Variants in TENM4 observed in about 807,000 individuals in gnomAD.
TENM4 encodes teneurin transmembrane protein 4.
Under a neutral mutation model 243.3 loss-of-function variants are expected in TENM4, and 82 were observed. That is an observed-to-expected ratio of 0.34 (90% CI 0.28 to 0.40). The LOEUF is 0.40. Among genes scored for constraint, TENM4 ranks in the 10% least tolerant of loss-of-function variants. The pLI, the probability that TENM4 is intolerant of heterozygous loss-of-function variation, is 1.00. For synonymous variants in TENM4, 1,412 were observed against 1,456.3 expected, an observed-to-expected ratio of 0.97 and a Z score of 0.69; for missense variants, 3,138 against 3,673.3, an observed-to-expected ratio of 0.85 and a Z score of 3.77.
intron 6 of TENM4, among the ~76,000 whole-genome samples, chr11:79,005,551 T>C (rs1030048388): frequency 1.3e-5 from 2 of 152,118 alleles, no homozygotes; most frequent in Non-Finnish European, 2.9e-5. Context: ...AAATTCAACA[T>C]TGCTTCATGT....
chr11:79,038,087 G>A (rs775211547), intron 6 of TENM4, among the ~76,000 whole-genome samples: 4 of 152,170 alleles, frequency 2.6e-5, no homozygotes, highest in African/African-American at 4.8e-5. Context: ...AAAGGAAGCC[G>A]GAGACAACCA....
At chr11:79,049,815 G>A (rs1859751806) in intron 6 of TENM4, among the ~76,000 whole-genome samples, 2 of 152,228 alleles carry the variant, frequency 1.3e-5, no homozygotes, top group South Asian at 4.1e-4. Context: ...GCACTTTGTA[G>A]GTGTCATCAC....
At chr11:78,969,955 C>A (rs1857507450) in intron 6 of TENM4, among the ~76,000 whole-genome samples, 1 of 152,222 alleles carries the variant, frequency 6.6e-6, no homozygotes, top group Non-Finnish European at 1.5e-5. Context: ...ATGGATTCAA[C>A]CTTTCCAGAA....
In TENM4 at chr11:79,431,975, T is replaced by A. The variant is rs540831418; in HGVS notation, c.-321+8534A>T. Among the ~76,000 whole-genome samples, 94 of 152,322 alleles carry A rather than the reference T, an allele frequency of 6.2e-4. 3 individuals carry two copies. In the South Asian group the frequency reaches 0.019, roughly 31 times the overall value. Reference sequence around the variant, plus strand: ...TACAATGATAGAAATGTTCTATAACTGCACTGTCGAGTATGGCAGCCACTA... The same window carrying A: ...TACAATGATAGAAATGTTCTATAACAGCACTGTCGAGTATGGCAGCCACTA... On this transcript the variant is annotated intron_variant, in intron 1 of 33. Coordinates refer to ENST00000278550, the MANE Select transcript of TENM4 (RefSeq NM_001098816.3).
intron 19 of TENM4, among the ~76,000 whole-genome samples, chr11:78,754,087 A>G (rs115250956): frequency 6.6e-6 from 1 of 152,342 alleles, no homozygotes; most frequent in African/African-American, 2.4e-5. Flanking sequence ...TTCAGCAACT[A>G]CTAAGTGCTA....
intron 3 of TENM4, among the ~76,000 whole-genome samples, chr11:79,202,922 G>A (rs1331249625): frequency 1.3e-5 from 2 of 152,184 alleles, no homozygotes; most frequent in African/African-American, 4.8e-5. Context: ...CTGTGCTAAA[G>A]GCTTTACCAT....
rs1378626967 is a variant in TENM4, at chr11:78,986,912, T to G, written c.493+77826A>C. Reference sequence around the variant, plus strand: ...TTCATCGTAAGCAAATCACTTAACCTCTGTGAGTCCAGTTCCCTCAACTGT... The same window carrying G: ...TTCATCGTAAGCAAATCACTTAACCGCTGTGAGTCCAGTTCCCTCAACTGT... On this transcript the variant is annotated intron_variant, in intron 6 of 33. Coordinates refer to ENST00000278550, the MANE Select transcript of TENM4 (RefSeq NM_001098816.3). Among the ~76,000 whole-genome samples the G allele has an allele frequency of 3.9e-5, 6 of 152,204 alleles. No homozygotes were observed. In the East Asian group the frequency reaches 1.2e-3, roughly 29 times the overall value.
At chr11:78,903,827 GTTTCATGC>G (rs1276583600) in intron 6 of TENM4, 10 of 653,170 alleles carry the variant, frequency 1.5e-5, no homozygotes, top group Non-Finnish European at 2.8e-5. Flanking sequence ...ACTTCACATT[GTTTCATGC>G]TTTTAGGACG....
At chr11:79,404,336 G>T (rs1858523561) in intron 1 of TENM4, among the ~76,000 whole-genome samples, 1 of 152,180 alleles carries the variant, frequency 6.6e-6, no homozygotes, top group South Asian at 2.1e-4. Flanking sequence ...AGGGGAAAAA[G>T]CTCAATGAGC....
At chr11:78,988,057 C>T (rs937250722) in intron 6 of TENM4, among the ~76,000 whole-genome samples, 1 of 152,164 alleles carries the variant, frequency 6.6e-6, no homozygotes, top group Non-Finnish European at 1.5e-5. Context: ...CTCAGTAGAG[C>T]GGACCTGTGA....
chr11:79,055,049 C>T (rs1222133428), intron 6 of TENM4, among the ~76,000 whole-genome samples: 1 of 151,470 alleles, frequency 6.6e-6, no homozygotes, highest in Non-Finnish European at 1.5e-5. Flanking sequence ...ATTGCTTGAA[C>T]CCAGGATGCA....
chr11:79,363,597 A>G (rs1188062242), intron 1 of TENM4, among the ~76,000 whole-genome samples: 1 of 152,222 alleles, frequency 6.6e-6, no homozygotes, highest in Non-Finnish European at 1.5e-5. Flanking sequence ...TGAGGGTTAC[A>G]TGAGACAATG....
intron 1 of TENM4, among the ~76,000 whole-genome samples, chr11:79,368,736 A>G (rs1054005514): frequency 6.6e-6 from 1 of 152,218 alleles, no homozygotes; most frequent in African/African-American, 2.4e-5. Flanking sequence ...AGGAGTGAAT[A>G]ATGCAGATAA....
At position 78,683,380 on chromosome 11, in the gene TENM4, G is replaced by T. The variant is rs1473311323; in HGVS notation, c.5260+4674C>A. Among the ~76,000 whole-genome samples, 5 of 71,648 alleles carry T rather than the reference G, an allele frequency of 7.0e-5. 1 individual carries two copies. Among genetic ancestry groups the T allele is most frequent in the African/African-American group, 3.0e-4 (4 of 13,534 alleles). The allele number at this position is 71,648 out of a possible 152,430, so 47.0% of individuals were successfully genotyped here. On this transcript the variant is annotated intron_variant, in intron 29 of 33. Coordinates refer to ENST00000278550, the MANE Select transcript of TENM4 (RefSeq NM_001098816.3). ...TGGCGGGCGCCCCTCCCCCAGCCTC[G>T]TTGCCGCCTTGCAGTTTGATCTCAG...
At chr11:79,059,538 C>T (rs569308775) in intron 6 of TENM4, among the ~76,000 whole-genome samples, 6 of 152,244 alleles carry the variant, frequency 3.9e-5, no homozygotes, top group East Asian at 1.9e-4. Flanking sequence ...TACAGGCTCA[C>T]GGCAACACTT....
chr11:79,067,820 C>T (rs1860303477), intron 5 of TENM4: 1 of 152,170 alleles, frequency 6.6e-6, no homozygotes, highest in South Asian at 2.1e-4. Context: ...GTTGACATCC[C>T]ATCTCACTCA....
At chr11:79,160,561 A>T (rs75911744) in intron 3 of TENM4, among the ~76,000 whole-genome samples, 1 of 152,216 alleles carries the variant, frequency 6.6e-6, no homozygotes, top group East Asian at 1.9e-4. Flanking sequence ...AGGAGTGTGA[A>T]GAAAAAGCGG....
At chr11:79,370,215 T>G (rs889998562) in intron 1 of TENM4, among the ~76,000 whole-genome samples, 1 of 152,206 alleles carries the variant, frequency 6.6e-6, no homozygotes, top group Non-Finnish European at 1.5e-5. Flanking sequence ...GGCCAACCCT[T>G]CACATGGGCC....
At chr11:78,836,824 C>T (rs1181214152) in intron 12 of TENM4, among the ~76,000 whole-genome samples, 2 of 152,036 alleles carry the variant, frequency 1.3e-5, no homozygotes, top group African/African-American at 4.8e-5. Context: ...TAACTTAATG[C>T]AATTTCTTAA....
Sources: gnomAD v4.1 joint callset for allele counts (sites outside exome capture counted in the v4.1 genomes callset) on GRCh38, gnomAD v4.1.1 for gene constraint, MANE v1.5 for transcripts, NCBI Gene and HGNC (gene_info 2026-07-23, HGNC 2026-07-21) for gene names.